The following SLC22A25 variants were observed in gnomAD, a reference collection of about 807,000 sequenced individuals.
SLC22A25 encodes the protein MGI:2442751, MGI:2385316, MGI:3042283, MGI:3645714, MGI:3605624, MGI:2442750.
In SLC22A25, 44 loss-of-function variants were observed where a neutral mutation model predicts 45.9. The ratio of observed to expected loss-of-function variants is 0.96; its 90% CI spans 0.75 to 1.23. SLC22A25 has a LOEUF of 1.23. Among genes scored for constraint, SLC22A25 ranks in the 50% most tolerant of loss-of-function variants. The pLI, the probability that SLC22A25 is intolerant of heterozygous loss-of-function variation, is 0.00. For missense variants in SLC22A25, 800 were observed against 666.4 expected (o/e 1.20, Z -2.21); for synonymous variants, 283 against 238.6 (o/e 1.19, Z -1.72).
chr11:63,236,331 C>T (rs2090163101), intron 3 of SLC22A25, among the ~76,000 whole-genome samples: 1 of 152,184 alleles, frequency 6.6e-6, no homozygotes, highest in African/African-American at 2.4e-5. Context: ...CCTACTCAAG[C>T]CTGAGCAATG....
intron 3 of SLC22A25, among the ~76,000 whole-genome samples, chr11:63,235,539 C>T (rs2090148428): frequency 6.6e-6 from 1 of 152,108 alleles, no homozygotes; most frequent in Non-Finnish European, 1.5e-5. Flanking sequence ...TCTAGTTATC[C>T]ATTCATCTAA....
At chr11:63,225,628 C>T (rs2089946156) in intron 5 of SLC22A25, among the ~76,000 whole-genome samples, 1 of 152,088 alleles carries the variant, frequency 6.6e-6, no homozygotes, top group African/African-American at 2.4e-5. Context: ...GTTAAATCTG[C>T]TTGATATCCT....
intron 7 of SLC22A25, among the ~76,000 whole-genome samples, chr11:63,215,305 C>T (rs147405243): frequency 0.013 from 1,942 of 152,186 alleles, 18 homozygotes; most frequent in Middle Eastern, 0.041. Flanking sequence ...AGCTGGAAAC[C>T]ATCATTCTCA....
At position 63,163,716 on chromosome 11, in the gene SLC22A25, T is replaced by G; in HGVS notation, c.*108A>C. On this transcript the variant is annotated 3_prime_UTR_variant, in exon 12 of 12. Transcript: ENST00000306494. ...ATGTATGAGGTCACTGTGGAAGGGA[T>G]GAGGATACACCAAAGGCAAAGGCAC... 1 of 1,437,060 alleles carries G rather than the reference T, an allele frequency of 7.0e-7. No homozygotes were observed. The highest frequency in any genetic ancestry group is 9.3e-7 in the Non-Finnish European group (1 of 1,070,004). The allele number at this position is 1,437,060 out of a possible 1,614,324, so 89.0% of individuals were successfully genotyped here.
rs1484392919 is a variant in SLC22A25, at chr11:63,162,316, G to C, written c.*1508C>G. On this transcript the variant is annotated 3_prime_UTR_variant, in exon 12 of 12. Transcript: ENST00000306494. ...TTTGCTTTGTTTTCCTGTACTTGTG[G>C]GGTATTACTCAAGAAATCTTTGGCC... is the stretch of plus-strand genomic sequence containing the variant. 6.6e-6 allele frequency among the ~76,000 whole-genome samples: 1 copy of C among 152,082 alleles called. No individual in the cohort carries two copies. Among genetic ancestry groups the C allele is most frequent in the Admixed American group, 6.5e-5 (1 of 15,272 alleles).
chr11:63,202,345 A>C (rs2089272678), intron 7 of SLC22A25, among the ~76,000 whole-genome samples: 1 of 152,116 alleles, frequency 6.6e-6, no homozygotes, highest in Admixed American at 6.5e-5. Flanking sequence ...CAGGGAGTTA[A>C]GTGGTCTAGC....
intron 7 of SLC22A25, among the ~76,000 whole-genome samples, chr11:63,205,666 C>A (rs952133998): frequency 2.2e-4 from 33 of 152,094 alleles, no homozygotes; most frequent in Admixed American, 2.2e-3. Context: ...TAATTAATAG[C>A]CTACCAACCA....
intron 7 of SLC22A25, among the ~76,000 whole-genome samples, chr11:63,212,607 A>G (rs2134804257): frequency 6.8e-6 from 1 of 146,464 alleles, no homozygotes; most frequent in Admixed American, 6.9e-5. Flanking sequence ...TATAGGTGGG[A>G]ATTGAGCAAT....
intron 3 of SLC22A25, among the ~76,000 whole-genome samples, chr11:63,234,543 C>T (rs373666065): frequency 1.3e-5 from 2 of 152,116 alleles, no homozygotes; most frequent in African/African-American, 2.4e-5. Flanking sequence ...CTGCAAGTGA[C>T]ATGGGTTTCC....
chr11:63,193,221 C>G (rs942773775), intron 7 of SLC22A25, among the ~76,000 whole-genome samples: 16 of 151,804 alleles, frequency 1.1e-4, no homozygotes, highest in African/African-American at 3.9e-4. Context: ...TCTACACCTC[C>G]CAGCATGAGT....
chr11:63,164,147 G>A (rs1590764956), intron 11 of SLC22A25, 74 bp from the exon 12 acceptor site: 1 of 1,512,970 alleles, frequency 6.6e-7, no homozygotes. Flanking sequence ...TCATTTTGCT[G>A]TGATTATGGA....
At chr11:63,205,835 G>GT (rs144920425) in intron 7 of SLC22A25, among the ~76,000 whole-genome samples, 34,459 of 151,974 alleles carry the variant, frequency 0.23, 4,959 homozygotes, top group Non-Finnish European at 0.33. Context: ...ACCAAAACCC[G>GT]TTGGAAACAC....
At position 63,228,678 on chromosome 11, in the gene SLC22A25, T is replaced by C. The variant is rs569737103; in HGVS notation, c.403-114A>G. The C allele has an allele frequency of 2.4e-5, 18 of 735,668 alleles. No individual in the cohort carries two copies. In the South Asian group the frequency reaches 2.8e-4, roughly 11 times the overall value. 45.6% of individuals were successfully genotyped at this position (735,668 alleles called of 1,614,324 possible). A position where few individuals can be genotyped will look rare whatever the true frequency, so the allele number is the denominator to read the frequency against. On this transcript the variant is annotated intron_variant, in intron 4 of 11. Transcript: ENST00000306494. ...TCTATCTTCCTCCCTAGCTTCCCTT[T>C]TCTGCATTACCTGATATTCACTGTT... is the stretch of plus-strand genomic sequence containing the variant.
At chr11:63,220,039 AT>A in intron 5 of SLC22A25, 1 of 1,286,046 alleles carries the variant, frequency 7.8e-7, no homozygotes, top group Non-Finnish European at 1.0e-6. Context: ...TTCAGAAGAC[AT>A]ACGGTAAGTT....
At chr11:63,190,065 G>C (rs921204995) in intron 7 of SLC22A25, among the ~76,000 whole-genome samples, 21 of 152,114 alleles carry the variant, frequency 1.4e-4, no homozygotes, top group Non-Finnish European at 1.0e-4. Flanking sequence ...GGTGTTCTCT[G>C]TATTTCCTGA....
chr11:63,191,698 A>G (rs910347646), intron 7 of SLC22A25, among the ~76,000 whole-genome samples: 2 of 152,008 alleles, frequency 1.3e-5, no homozygotes, highest in African/African-American at 4.8e-5. Context: ...CACCCCCCCA[A>G]TCACAAATAT....
chr11:63,185,331 C>T (rs2088486959), intron 7 of SLC22A25, among the ~76,000 whole-genome samples: 1 of 151,808 alleles, frequency 6.6e-6, no homozygotes, highest in Non-Finnish European at 1.5e-5. Flanking sequence ...TGTTCCCCTT[C>T]CTGTGTCCAT....
chr11:63,171,778 A>G (rs972772766), intron 9 of SLC22A25, among the ~76,000 whole-genome samples: 1 of 152,200 alleles, frequency 6.6e-6, no homozygotes, highest in African/African-American at 2.4e-5. Flanking sequence ...GCTAACATTG[A>G]CTTTTTTTGC....
At chr11:63,222,362 TATTTA>T (rs1437953102) in intron 5 of SLC22A25, among the ~76,000 whole-genome samples, 1 of 152,058 alleles carries the variant, frequency 6.6e-6, no homozygotes. Context: ...ATATTCTAGG[TATTTA>T]ATTTTATTTG....
Sources: gnomAD v4.1 joint callset for allele counts (sites outside exome capture counted in the v4.1 genomes callset) on GRCh38, gnomAD v4.1.1 for gene constraint, MANE v1.5 for transcripts, NCBI Gene and HGNC (gene_info 2026-07-23, HGNC 2026-07-21) for gene names.